The following ETFDH variants were observed in gnomAD, a reference collection of about 807,000 sequenced individuals.
The protein encoded by ETFDH is electron transfer flavoprotein dehydrogenase.
ETFDH carries 61 observed loss-of-function variants against 73.2 expected under a neutral mutation model. The observed-to-expected ratio is 0.83, with a 90% CI of 0.68 to 1.03. ETFDH has a LOEUF of 1.03. Ranked by LOEUF, ETFDH falls within the 50% of genes least tolerant of loss-of-function variation. The pLI, the probability that ETFDH is intolerant of heterozygous loss-of-function variation, is 0.00. For synonymous variants in ETFDH, 243 were observed against 253.3 expected, an observed-to-expected ratio of 0.96 and a Z score of 0.39; for missense variants, 685 against 745.0, an observed-to-expected ratio of 0.92 and a Z score of 0.94.
rs200573646 is a variant in ETFDH, at chr4:158,685,241, T to C, written c.606+22T>C. 3.1e-6 allele frequency: 4 copies of C among 1,298,852 alleles called. No individual in the cohort carries two copies. In the East Asian group the frequency reaches 9.2e-5, roughly 30 times the overall value. The allele number at this position is 1,298,852 out of a possible 1,614,324, so 80.5% of individuals were successfully genotyped here. On this transcript the variant is annotated intron_variant, in intron 5 of 12. Transcript: ENST00000511912. ...TGAGGTTTGTATAGTTTTGTTTTGT[T>C]TTAATATTTATAGGAACTCTCTTTT...
At chr4:158,676,298 A>G (rs1266578205) in intron 1 of ETFDH, among the ~76,000 whole-genome samples, 2 of 152,042 alleles carry the variant, frequency 1.3e-5, no homozygotes, top group Admixed American at 1.3e-4. Context: ...AAACGACCAG[A>G]TGAGCTAGTT....
In ETFDH at chr4:158,685,089, A is replaced by C. The variant is rs180889150; in HGVS notation, c.488-12A>C. On this transcript the variant is annotated splice_polypyrimidine_tract_variant and intron_variant, in intron 4 of 12. Transcript: ENST00000511912. The stretch of plus-strand genomic sequence containing the variant: ...AAAAAGTCAGATTTATAAATTAAGC[A>C]TATATTTATAGGGCTTCCAATGAAT... 66 of 1,396,890 alleles carry C rather than the reference A, an allele frequency of 4.7e-5. No homozygotes were observed. The highest frequency in any genetic ancestry group is 4.6e-5 in the East Asian group (2 of 43,868). 86.5% of individuals were successfully genotyped at this position (1,396,890 alleles called of 1,614,324 possible). A position where few individuals can be genotyped will look rare whatever the true frequency, so the allele number is the denominator to read the frequency against.
At chr4:158,687,988 C>T (rs1405484788) in intron 5 of ETFDH, among the ~76,000 whole-genome samples, 2 of 151,890 alleles carry the variant, frequency 1.3e-5, no homozygotes, top group African/African-American at 2.4e-5. Context: ...TGCAGTGGGC[C>T]GAGATCATGC....
At chr4:158,705,907 C>T (rs984505807) in intron 10 of ETFDH, among the ~76,000 whole-genome samples, 1 of 152,126 alleles carries the variant, frequency 6.6e-6, no homozygotes, top group African/African-American at 2.4e-5. Flanking sequence ...ATGGCAAAAC[C>T]CTCTTTCTAC....
intron 1 of ETFDH, among the ~76,000 whole-genome samples, chr4:158,672,705 A>G (rs1339951112): frequency 6.6e-6 from 1 of 152,114 alleles, no homozygotes; most frequent in Non-Finnish European, 1.5e-5. Context: ...GCTAAAGGTC[A>G]AGGGCGGGGA....
At position 158,682,224 on chromosome 4, in the gene ETFDH, G is replaced by T; in HGVS notation, c.205G>T (p.Ala69Ser). The T allele has an allele frequency of 1.9e-6, 3 of 1,614,186 alleles. No individual in the cohort carries two copies. Among genetic ancestry groups the T allele is most frequent in the Non-Finnish European group, 2.5e-6 (3 of 1,180,002 alleles). The part of the protein sequence containing the change: ...GVNMERFAEE[A>S]DVVIVGAGPA... ...GAACATGGAAAGGTTTGCAGAAGAA[G>T]CAGATGTTGTAATAGTTGGTGCAGG... The change falls in exon 3 of 13, where the codon GCA becomes TCA. Residue 69 changes from alanine to serine, a missense_variant. Transcript: ENST00000511912.
intron 9 of ETFDH, among the ~76,000 whole-genome samples, chr4:158,701,672 C>T (rs77582821): frequency 0.057 from 8,623 of 152,248 alleles, 614 homozygotes; most frequent in African/African-American, 0.18. Context: ...CTGAGTCCCT[C>T]TTAATACCAT....
chr4:158,685,158 G>A lies in ETFDH; in HGVS notation c.545G>A (p.Trp182Ter), dbSNP rs767249944. 3.7e-6 allele frequency: 6 copies of A among 1,613,168 alleles called. No individual in the cohort carries two copies. The highest frequency in any genetic ancestry group is 5.1e-6 in the Non-Finnish European group (6 of 1,179,254). Reference sequence around the variant, plus strand: ...GTACGCTTGGGACATTTAGTGAGCTGGATGGGCGAACAAGCAGAAGCCCTT... The same window carrying A: ...GTACGCTTGGGACATTTAGTGAGCTAGATGGGCGAACAAGCAGAAGCCCTT... ...YIVRLGHLVS[W>*]MGEQAEALGV... Residue 182 changes from tryptophan (W) to a stop codon, truncating the protein, a stop_gained, in exon 5 of 13, where the codon TGG (tryptophan) becomes TAG (stop). Transcript: ENST00000511912. LOFTEE classifies it high-confidence loss of function.
chr4:158,709,120 A>G lies in ETFDH; in HGVS notation c.*593A>G, dbSNP rs1470192588. ...ATGGATACATCAAAGAATCGAAGGAAACAATATACAAACTTAAGCTCTCAT... is the reference window on the plus strand; with the variant it reads ...ATGGATACATCAAAGAATCGAAGGAGACAATATACAAACTTAAGCTCTCAT... On this transcript the variant is annotated 3_prime_UTR_variant, in exon 13 of 13. Coordinates refer to ENST00000511912, the MANE Select transcript of ETFDH (RefSeq NM_004453.4). 1 of 153,442 alleles carries G rather than the reference A, an allele frequency of 6.5e-6. No individual in the cohort carries two copies. Among genetic ancestry groups the G allele is most frequent in the African/African-American group, 2.4e-5 (1 of 41,410 alleles). 9.5% of individuals were successfully genotyped at this position (153,442 alleles called of 1,614,324 possible).
chr4:158,674,564 G>T (rs547800083), intron 1 of ETFDH, among the ~76,000 whole-genome samples: 1 of 152,268 alleles, frequency 6.6e-6, no homozygotes, highest in South Asian at 2.1e-4. Flanking sequence ...GCCTCCCAAA[G>T]TGCTGGGATT....
rs1774134895 is a variant in ETFDH, at chr4:158,690,421, C to T, written c.680C>T (p.Pro227Leu). Reference sequence around the variant, plus strand: ...GTAGGGATACAAAAGGATGGTGCACCAAAGGTAAACCTTTTTAATAGTTAC... The same window carrying T: ...GTAGGGATACAAAAGGATGGTGCACTAAAGGTAAACCTTTTTAATAGTTAC... ...NDVGIQKDGAPKATFERGLEL... is the reference protein window; with the variant it reads ...NDVGIQKDGALKATFERGLEL... Residue 227 changes from proline to leucine, a missense_variant, in exon 6 of 13, where the codon CCA (proline) becomes CTA (leucine). Physicochemically the swap from Pro to Leu is moderately conservative, Grantham distance 98. Transcript: ENST00000511912. 6.5e-7 allele frequency: 1 copy of T among 1,544,168 alleles called. No homozygotes were observed.
intron 9 of ETFDH, among the ~76,000 whole-genome samples, chr4:158,701,286 G>A (rs1774455739): frequency 6.6e-6 from 1 of 152,124 alleles, no homozygotes; most frequent in African/African-American, 2.4e-5. Flanking sequence ...TGTCAACAAA[G>A]CCACAGCCTT....
At chr4:158,679,362 G>A (rs1002044252) in intron 1 of ETFDH, 1 of 152,064 alleles carries the variant, frequency 6.6e-6, no homozygotes, top group Admixed American at 6.5e-5. Flanking sequence ...GTATCAGATG[G>A]AGGAATGTCT....
chr4:158,695,303 A>T (rs1774280340), intron 6 of ETFDH, among the ~76,000 whole-genome samples, 194 bp from the exon 7 acceptor site: 2 of 152,210 alleles, frequency 1.3e-5, no homozygotes, highest in African/African-American at 4.8e-5. Flanking sequence ...AAAGATTTCC[A>T]TGAGGTATTT....
chr4:158,708,529 C>G lies in ETFDH; in HGVS notation c.*2C>G. 2 of 1,612,062 alleles carry G rather than the reference C, an allele frequency of 1.2e-6. No homozygotes were observed. The highest frequency in any genetic ancestry group is 1.7e-6 in the Non-Finnish European group (2 of 1,178,164). ...GGACCTGCTTACAATGGAATGTAAACTGCAGCTAGCCAGTTTCTTTCAAGT... is the reference window on the plus strand; with the variant it reads ...GGACCTGCTTACAATGGAATGTAAAGTGCAGCTAGCCAGTTTCTTTCAAGT... On this transcript the variant is annotated 3_prime_UTR_variant, in exon 13 of 13. Transcript: ENST00000511912.
At chr4:158,681,399 A>G (rs1773856731) in intron 2 of ETFDH, among the ~76,000 whole-genome samples, 2 of 152,254 alleles carry the variant, frequency 1.3e-5, no homozygotes, top group African/African-American at 4.8e-5. Context: ...CAAGAGAGTC[A>G]AAAAGTTTAA....
intron 12 of ETFDH, among the ~76,000 whole-genome samples, 187 bp downstream of exon 12, chr4:158,707,037 T>TC (rs1774643440): frequency 7.1e-6 from 1 of 141,598 alleles, no homozygotes. Context: ...ATAACATTTC[T>TC]CAAAAAAAAA....
chr4:158,689,234 G>A, intron 5 of ETFDH, among the ~76,000 whole-genome samples: 1 of 152,072 alleles, frequency 6.6e-6, no homozygotes, highest in East Asian at 1.9e-4. Context: ...GTAGGTCCCT[G>A]TATTATACTT....
intron 1 of ETFDH, among the ~76,000 whole-genome samples, chr4:158,674,581 A>C (rs1011061017): frequency 3.9e-5 from 6 of 152,158 alleles, no homozygotes; most frequent in African/African-American, 1.4e-4. Flanking sequence ...GATTATAGGC[A>C]TGAGCCACCA....
Sources: allele counts gnomAD v4.1 joint callset (sites outside exome capture counted in the v4.1 genomes callset), GRCh38; gene constraint gnomAD v4.1.1; transcripts MANE v1.5; gene names NCBI Gene and HGNC (gene_info 2026-07-23, HGNC 2026-07-21).